The following SUSD4 variants were observed in gnomAD, a reference collection of about 807,000 sequenced individuals.
SUSD4 encodes the protein sushi domain containing 4, also known as sushi domain-containing protein 4.
Under a neutral mutation model 50.5 loss-of-function variants are expected in SUSD4, and 41 were observed. That is an observed-to-expected ratio of 0.81 (90% CI 0.63 to 1.05). SUSD4 has a LOEUF of 1.05. SUSD4 is among the 50% of genes least tolerant of loss of function. The pLI is 0.00. For missense variants in SUSD4, 580 were observed against 634.7 expected, an observed-to-expected ratio of 0.91 and a Z score of 0.93; for synonymous variants, 257 against 257.3, an observed-to-expected ratio of 1.00 and a Z score of 0.01.
At chr1:223,226,134 G>A (rs971682306) in intron 7 of SUSD4, among the ~76,000 whole-genome samples, 5 of 152,176 alleles carry the variant, frequency 3.3e-5, no homozygotes, top group African/African-American at 4.8e-5. Context: ...GTACTTGAAC[G>A]CACTATCAAT....
intron 2 of SUSD4, among the ~76,000 whole-genome samples, chr1:223,316,494 C>T (rs1012108670): frequency 6.6e-6 from 1 of 152,116 alleles, no homozygotes; most frequent in South Asian, 2.1e-4. Flanking sequence ...AGGACAGACA[C>T]CAAGCAGGAC....
chr1:223,302,481 A>T (rs191517810), intron 2 of SUSD4, among the ~76,000 whole-genome samples: 2 of 152,166 alleles, frequency 1.3e-5, no homozygotes, highest in African/African-American at 4.8e-5. Context: ...ACCAATGTCC[A>T]TCCTGACATT....
intron 2 of SUSD4, among the ~76,000 whole-genome samples, chr1:223,335,710 C>T (rs1487479577): frequency 6.6e-6 from 1 of 152,124 alleles, no homozygotes; most frequent in Non-Finnish European, 1.5e-5. Flanking sequence ...TGAGAAAACA[C>T]AGATTCAGAA....
intron 5 of SUSD4, among the ~76,000 whole-genome samples, chr1:223,252,919 C>T (rs1024585499): frequency 1.3e-5 from 2 of 151,842 alleles, no homozygotes; most frequent in East Asian, 3.9e-4. Flanking sequence ...GGTAAAAAAC[C>T]CCATCTCTAT....
intron 2 of SUSD4, among the ~76,000 whole-genome samples, chr1:223,329,923 C>T (rs564351340): frequency 6.6e-6 from 1 of 151,732 alleles, no homozygotes; most frequent in Non-Finnish European, 1.5e-5. Context: ...AACAGATGGA[C>T]AGATGAATGA....
Position 223,229,405 on chromosome 1 carries a change from G to A in SUSD4, c.725-17C>T. The stretch of plus-strand genomic sequence containing the variant: ...GTGGACAGACTTGGGCAGTAGGGGA[G>A]AATAAAAGTTTCAGAACCACAAGCT... On this transcript the variant is annotated splice_polypyrimidine_tract_variant and intron_variant, in intron 5 of 8. Coordinates refer to ENST00000366878, the MANE Select transcript of SUSD4 (RefSeq NM_017982.4). This position sits in a 1 kb window ranked among gnomAD's most constrained non-coding sequence, Gnocchi z 4.7. 6.4e-7 allele frequency: 1 copy of A among 1,570,028 alleles called. No homozygotes were observed.
At chr1:223,260,578 C>T (rs1439636779) in intron 5 of SUSD4, among the ~76,000 whole-genome samples, 1 of 152,184 alleles carries the variant, frequency 6.6e-6, no homozygotes. Context: ...CAAGCCAGGG[C>T]CCACAGGGAC....
Position 223,333,277 on chromosome 1 carries a change from G to A in SUSD4, c.148+30001C>T, listed in dbSNP as rs78569743. Among the ~76,000 whole-genome samples the A allele has an allele frequency of 7.2e-3, 1,095 of 152,184 alleles. 34 individuals are homozygous for A. The East Asian group carries it at 0.1, about 15-fold the overall frequency. ...CTCCACCACTCACCACTCTGCATGGGAAGTTACTTAACCTCTCTCTGCCTA... is the reference window on the plus strand; with the variant it reads ...CTCCACCACTCACCACTCTGCATGGAAAGTTACTTAACCTCTCTCTGCCTA... On this transcript the variant is annotated intron_variant, in intron 2 of 8. Coordinates refer to ENST00000366878, the MANE Select transcript of SUSD4 (RefSeq NM_017982.4).
At chr1:223,305,868 C>T (rs1336132949) in intron 2 of SUSD4, among the ~76,000 whole-genome samples, 1 of 152,192 alleles carries the variant, frequency 6.6e-6, no homozygotes, top group East Asian at 1.9e-4. Flanking sequence ...CCAGAAACTA[C>T]ATTGAACACT....
Position 223,229,361 on chromosome 1 carries a change from T to C in SUSD4, c.752A>G (p.His251Arg). Residue 251 changes from histidine to arginine, a missense_variant, in exon 6 of 9, where the codon CAC becomes CGC. By Grantham distance (29) the His-to-Arg change is conservative. Coordinates refer to ENST00000366878, the MANE Select transcript of SUSD4 (RefSeq NM_017982.4). The surrounding 1 kb of genome is among the most constrained non-coding windows in gnomAD (Gnocchi z 4.7). ...CCGCGGGTGGCAGACGAAATCTCCG[T>C]GACTCACCATTGGAGGTAGTGGACA... Reference protein sequence around the residue: ...EVCPLPPMVSHGDFVCHPRPC... With the variant: ...EVCPLPPMVSRGDFVCHPRPC... The C allele has an allele frequency of 6.2e-7, 1 of 1,603,516 alleles. No individual in the cohort carries two copies. Among genetic ancestry groups the C allele is most frequent in the Non-Finnish European group, 8.5e-7 (1 of 1,171,878 alleles).
chr1:223,267,418 G>T (rs1183329914), intron 4 of SUSD4, among the ~76,000 whole-genome samples: 1 of 152,186 alleles, frequency 6.6e-6, no homozygotes, highest in Non-Finnish European at 1.5e-5. Context: ...GGATCAGCAG[G>T]TAATAAAGTT....
At chr1:223,303,146 C>T (rs1053662861) in intron 2 of SUSD4, among the ~76,000 whole-genome samples, 4 of 152,014 alleles carry the variant, frequency 2.6e-5, no homozygotes, top group Non-Finnish European at 4.4e-5. Context: ...GAGCAAGACC[C>T]TATCTCAAAA....
chr1:223,246,102 T>A (rs1660907449), intron 5 of SUSD4, among the ~76,000 whole-genome samples: 1 of 151,890 alleles, frequency 6.6e-6, no homozygotes, highest in Non-Finnish European at 1.5e-5. Context: ...CGCACTCACA[T>A]AAGGGGAGAG....
intron 2 of SUSD4, among the ~76,000 whole-genome samples, chr1:223,319,036 A>G (rs1666412339): frequency 2.1e-5 from 1 of 47,080 alleles, no homozygotes; most frequent in African/African-American, 8.3e-5. Context: ...CAAACCTGAG[A>G]AAAACAAGCA....
intron 2 of SUSD4, among the ~76,000 whole-genome samples, chr1:223,359,985 T>G (rs1174336818): frequency 6.6e-6 from 1 of 152,124 alleles, no homozygotes; most frequent in Non-Finnish European, 1.5e-5. Flanking sequence ...GTCTCCAAAA[T>G]CACGGCATTG....
chr1:223,299,430 T>A (rs1465813468), intron 2 of SUSD4, among the ~76,000 whole-genome samples: 1 of 152,122 alleles, frequency 6.6e-6, no homozygotes, highest in East Asian at 1.9e-4. Flanking sequence ...AATATGTTTG[T>A]TTTTGGGGGG....
chr1:223,315,844 A>G (rs1666154826), intron 2 of SUSD4, among the ~76,000 whole-genome samples: 1 of 152,234 alleles, frequency 6.6e-6, no homozygotes, highest in Non-Finnish European at 1.5e-5. Flanking sequence ...AGTTAAAGTG[A>G]CAAGCCCTTG....
At chr1:223,333,959 C>T (rs1363147663) in intron 2 of SUSD4, among the ~76,000 whole-genome samples, 1 of 152,084 alleles carries the variant, frequency 6.6e-6, no homozygotes, top group Non-Finnish European at 1.5e-5. Flanking sequence ...CTCCTATCCT[C>T]AGTAAAATGG....
chr1:223,225,886 A>T (rs1330472681), intron 7 of SUSD4, among the ~76,000 whole-genome samples: 1 of 152,176 alleles, frequency 6.6e-6, no homozygotes, highest in Admixed American at 6.5e-5. Flanking sequence ...GGAGAAAAAA[A>T]GTCCATTCTT....
Sources: gnomAD v4.1 joint callset for allele counts (sites outside exome capture counted in the v4.1 genomes callset) on GRCh38, gnomAD v4.1.1 for gene constraint, Gnocchi (gnomAD v3.1) non-coding constraint, MANE v1.5 for transcripts, NCBI Gene and HGNC (gene_info 2026-07-23, HGNC 2026-07-21) for gene names.